The following CELF1 variants were observed in gnomAD, a reference collection of about 807,000 sequenced individuals.
CELF1 encodes the protein 50 kDa nuclear polyadenylated RNA-binding protein.
A neutral mutation model predicts 61.8 loss-of-function variants in CELF1; 10 were observed. That is an observed-to-expected ratio of 0.16 (90% confidence interval 0.10 to 0.27). The LOEUF is 0.27. Ranked by LOEUF, CELF1 falls within the 10% of genes least tolerant of loss-of-function variation. The probability of loss-of-function intolerance (pLI) is 1.00; values close to 1 mark genes in which losing one functional copy is unlikely to be tolerated. For missense variants in CELF1, 380 were observed against 639.1 expected (o/e 0.59, Z 4.37); for synonymous variants, 236 against 225.1 (o/e 1.05, Z -0.43).
In CELF1 at chr11:47,496,624, G is replaced by C. The variant is rs79509971; in HGVS notation, c.71+2829C>G. Among the ~76,000 whole-genome samples, 24 of 152,270 alleles carry C rather than the reference G, an allele frequency of 1.6e-4. No individual in the cohort carries two copies. The East Asian group carries it at 4.4e-3, about 28-fold the overall frequency. ...TGTGTGCAGAGATTTCAGCTGCATA[G>C]AGTAGGCAACTAGAAAAAGTGCTAC... On this transcript the variant is annotated intron_variant, in intron 3 of 14. Coordinates refer to ENST00000687097, the MANE Select transcript of CELF1 (RefSeq NM_001376376.1).
intron 1 of CELF1, among the ~76,000 whole-genome samples, chr11:47,519,075 C>T (rs1377180813): frequency 6.6e-6 from 1 of 152,150 alleles, no homozygotes; most frequent in Non-Finnish European, 1.5e-5. Flanking sequence ...GGTTATAGGC[C>T]AGAAAATGCA....
intron 3 of CELF1, among the ~76,000 whole-genome samples, chr11:47,492,917 G>A (rs1256542232): frequency 6.6e-6 from 1 of 152,176 alleles, no homozygotes; most frequent in Non-Finnish European, 1.5e-5. Context: ...TAAGGAAGCT[G>A]ACAGCTATTT....
intron 1 of CELF1, among the ~76,000 whole-genome samples, chr11:47,510,751 G>A (rs1406377078): frequency 6.6e-6 from 1 of 152,144 alleles, no homozygotes; most frequent in Non-Finnish European, 1.5e-5. Context: ...GCCTCACAAA[G>A]TGCTGGGATT....
At position 47,471,267 on chromosome 11, in the gene CELF1, T is replaced by G. The variant is rs770393256; in HGVS notation, c.*963A>C. On this transcript the variant is annotated 3_prime_UTR_variant, in exon 15 of 15. Transcript: ENST00000687097. ...CAAGAACTGCAAGCCCTTCTTGGAT[T>G]TGCCTTCATGAGAAAATGGTGGCTT... 4 of 152,270 alleles carry G rather than the reference T, an allele frequency of 2.6e-5. No homozygotes were observed. Among genetic ancestry groups the G allele is most frequent in the East Asian group, 3.8e-4 (2 of 5,202 alleles). The allele number at this position is 152,270 out of a possible 1,614,324, so 9.4% of individuals were successfully genotyped here. A position where few individuals can be genotyped will look rare whatever the true frequency, so the allele number is the denominator to read the frequency against.
chr11:47,508,291 A>G (rs547323984), intron 1 of CELF1, among the ~76,000 whole-genome samples: 1 of 152,322 alleles, frequency 6.6e-6, no homozygotes, highest in South Asian at 2.1e-4. Context: ...ATTTCCCTCC[A>G]AATTTTATGT....
chr11:47,548,407 G>C (rs2097038805), intron 1 of CELF1, among the ~76,000 whole-genome samples: 1 of 152,132 alleles, frequency 6.6e-6, no homozygotes, highest in Non-Finnish European at 1.5e-5. Flanking sequence ...TGATTTCATG[G>C]ATATGACACC....
intron 3 of CELF1, among the ~76,000 whole-genome samples, chr11:47,493,329 C>T (rs904492924): frequency 6.6e-5 from 8 of 121,100 alleles, no homozygotes; most frequent in Admixed American, 5.9e-4. Context: ...GGTGAAACCC[C>T]GTCCCTACTT....
upstream of CELF1, among the ~76,000 whole-genome samples, chr11:47,555,014 C>T (rs2097201419): frequency 6.6e-6 from 1 of 152,082 alleles, no homozygotes; most frequent in African/African-American, 2.4e-5. Flanking sequence ...TGACAGTAGC[C>T]CAGAAGGTAA....
chr11:47,489,935 G>GTTTTTGTTTTTTTTTTTTTTTTTTTTTT (rs1555170253), intron 3 of CELF1, among the ~76,000 whole-genome samples: 1 of 48,226 alleles, frequency 2.1e-5, no homozygotes, highest in African/African-American at 7.8e-5. Context: ...ATACCATCTT[G>GTTTTTGTTTTTTTTTTTTTTTTTTTTTT]TTTTTTTTTT....
chr11:47,489,297 A>G (rs2089661970), intron 3 of CELF1, among the ~76,000 whole-genome samples: 1 of 152,186 alleles, frequency 6.6e-6, no homozygotes, highest in Non-Finnish European at 1.5e-5. Flanking sequence ...TAGCATGAGA[A>G]TTACCATGCT....
intron 1 of CELF1, among the ~76,000 whole-genome samples, chr11:47,519,198 A>T (rs557380350): frequency 2.8e-4 from 42 of 152,250 alleles, no homozygotes; most frequent in South Asian, 6.2e-4. Context: ...ATCACTTTTT[A>T]AAAAAAGTTA....
At chr11:47,516,001 C>A (rs1597616376) in intron 1 of CELF1, among the ~76,000 whole-genome samples, 1 of 151,660 alleles carries the variant, frequency 6.6e-6, no homozygotes, top group Non-Finnish European at 1.5e-5. Flanking sequence ...CCTGCAACCT[C>A]TGCCTCCCGG....
intron 8 of CELF1, among the ~76,000 whole-genome samples, chr11:47,483,079 T>C (rs1460336106): frequency 6.7e-6 from 1 of 150,320 alleles, no homozygotes; most frequent in Non-Finnish European, 1.5e-5. Context: ...CTGGGCAACA[T>C]GGCAAAACGG....
intron 1 of CELF1, among the ~76,000 whole-genome samples, chr11:47,538,453 C>G (rs1041670773): frequency 3.9e-5 from 6 of 151,976 alleles, no homozygotes; most frequent in South Asian, 2.1e-4. Context: ...ACCATCCTGG[C>G]CAACACGGTG....
At chr11:47,560,399 G>GT (rs2153791034) in intron 2 of CELF1, among the ~76,000 whole-genome samples, 1 of 152,272 alleles carries the variant, frequency 6.6e-6, no homozygotes, top group Non-Finnish European at 1.5e-5. Context: ...GGGTGACAGA[G>GT]TGAGACTGTC....
At chr11:47,501,800 G>A (rs939773522) in intron 1 of CELF1, among the ~76,000 whole-genome samples, 29 of 152,000 alleles carry the variant, frequency 1.9e-4, no homozygotes, top group African/African-American at 5.8e-4. Context: ...TCCAGCCTGG[G>A]CGACAGTAAG....
At chr11:47,481,079 G>A (rs2082748578) in intron 9 of CELF1, among the ~76,000 whole-genome samples, 1 of 131,142 alleles carries the variant, frequency 7.6e-6, no homozygotes. Context: ...GGATAAACTG[G>A]GGTTTTTTTT....
At chr11:47,558,589 T>A (rs11039295) in intron 2 of CELF1, among the ~76,000 whole-genome samples, 102,120 of 111,092 alleles carry the variant, frequency 0.92, 47,188 homozygotes, top group East Asian at 1. Flanking sequence ...ATATATATAT[T>A]TATATTATAT....
chr11:47,510,648 G>A (rs964729762), intron 1 of CELF1, among the ~76,000 whole-genome samples: 3 of 151,834 alleles, frequency 2.0e-5, no homozygotes, highest in South Asian at 2.1e-4. Context: ...CACCACGCCC[G>A]GCTAATTTTT....
Sources: allele counts gnomAD v4.1 joint callset (sites outside exome capture counted in the v4.1 genomes callset), GRCh38; gene constraint gnomAD v4.1.1; transcripts MANE v1.5; gene names NCBI Gene and HGNC (gene_info 2026-07-23, HGNC 2026-07-21).